STAC: variants seen among roughly 807,000 people sequenced by gnomAD.
The protein encoded by STAC is SH3 and cysteine rich domain.
STAC carries 43 observed loss-of-function variants against 48.8 expected under a neutral mutation model. That is an observed-to-expected ratio of 0.88 (90% CI 0.69 to 1.14). The LOEUF is 1.14. STAC is among the 50% of genes most tolerant of loss of function. The pLI, the probability that STAC is intolerant of heterozygous loss-of-function variation, is 0.00. For missense variants in STAC, 497 were observed against 504.0 expected (o/e 0.99, Z 0.13); for synonymous variants, 193 against 179.5 (o/e 1.07, Z -0.60).
intron 1 of STAC, among the ~76,000 whole-genome samples, chr3:36,395,026 G>GATAT (rs3061956): frequency 4.0e-5 from 6 of 148,246 alleles, no homozygotes; most frequent in Admixed American, 1.3e-4. Context: ...AAGATATATA[G>GATAT]ATATATATAT....
chr3:36,473,205 G>A (rs902956215), intron 2 of STAC, among the ~76,000 whole-genome samples: 11 of 152,200 alleles, frequency 7.2e-5, no homozygotes, highest in Non-Finnish European at 1.3e-4. Flanking sequence ...AGGAAAGACC[G>A]GCTGCATGAT....
At chr3:36,529,123 A>G (rs969046625) in intron 10 of STAC, 138 bp downstream of exon 10, 5 of 917,086 alleles carry the variant, frequency 5.5e-6, no homozygotes, top group Non-Finnish European at 7.6e-6. Flanking sequence ...ACTTACTCCA[A>G]TGATGTCAGT....
chr3:36,427,798 T>C lies in STAC; in HGVS notation c.112-15566T>C, dbSNP rs150221975. ...CAACAAAGAAACAAATAAATGAGGA[T>C]ATAATATAAAGAAATCATATACCTC... is the stretch of plus-strand genomic sequence containing the variant. On this transcript the variant is annotated intron_variant, in intron 1 of 10. Coordinates refer to ENST00000273183, the MANE Select transcript of STAC (RefSeq NM_003149.3). 1.1e-4 allele frequency among the ~76,000 whole-genome samples: 16 copies of C among 152,224 alleles called. No individual in the cohort carries two copies. In the East Asian group the frequency reaches 2.9e-3, roughly 28 times the overall value.
intron 6 of STAC, among the ~76,000 whole-genome samples, chr3:36,498,115 A>G (rs1030927278): frequency 3.9e-5 from 6 of 152,332 alleles, no homozygotes; most frequent in African/African-American, 1.4e-4. Context: ...CTGTACATGT[A>G]AGAATTATCA....
At chr3:36,397,056 A>C (rs1699870527) in intron 1 of STAC, among the ~76,000 whole-genome samples, 2 of 152,210 alleles carry the variant, frequency 1.3e-5, no homozygotes, top group East Asian at 1.9e-4. Flanking sequence ...CACTGAGCCT[A>C]ATGGACTATC....
chr3:36,453,436 G>A (rs1575210227), intron 2 of STAC, among the ~76,000 whole-genome samples: 3 of 152,304 alleles, frequency 2.0e-5, no homozygotes, highest in Admixed American at 1.3e-4. Context: ...CCCCGCCCTC[G>A]GAGAGGCCGG....
At chr3:36,402,856 G>C (rs992963713) in intron 1 of STAC, among the ~76,000 whole-genome samples, 18 of 151,840 alleles carry the variant, frequency 1.2e-4, no homozygotes, top group African/African-American at 4.4e-4. Flanking sequence ...GGATTCAGGG[G>C]AATTATCTAC....
At position 36,458,596 on chromosome 3, in the gene STAC, T is replaced by G. The variant is rs577087369; in HGVS notation, c.388+14956T>G. 2.6e-5 allele frequency among the ~76,000 whole-genome samples: 4 copies of G among 152,290 alleles called. No individual in the cohort carries two copies. The South Asian group carries it at 8.3e-4, about 32-fold the overall frequency. ...CTCTGCGTGAAGGAACAGTGTGATA[T>G]CTACCAAATCACTTTGCTTCTCTGA... On this transcript the variant is annotated intron_variant, in intron 2 of 10. Transcript: ENST00000273183.
At chr3:36,383,104 C>G (rs1699547492) in intron 1 of STAC, among the ~76,000 whole-genome samples, 1 of 152,150 alleles carries the variant, frequency 6.6e-6, no homozygotes, top group African/African-American at 2.4e-5. Flanking sequence ...TAAATTAGCT[C>G]TTGGTTTACC....
At chr3:36,544,681 C>A (rs145400921) in intron 10 of STAC, among the ~76,000 whole-genome samples, 1 of 152,070 alleles carries the variant, frequency 6.6e-6, no homozygotes, top group Non-Finnish European at 1.5e-5. Context: ...AGAACGTGCA[C>A]GTTTGTTAAC....
intron 2 of STAC, among the ~76,000 whole-genome samples, chr3:36,446,217 T>G (rs371635817): frequency 6.6e-6 from 1 of 152,236 alleles, no homozygotes; most frequent in Non-Finnish European, 1.5e-5. Flanking sequence ...CTACCCTTTA[T>G]GATCATCTCT....
intron 1 of STAC, among the ~76,000 whole-genome samples, chr3:36,428,756 G>A (rs1439329991): frequency 6.6e-6 from 1 of 152,186 alleles, no homozygotes; most frequent in African/African-American, 2.4e-5. Context: ...AGGGACTGGT[G>A]CAGAGTGAGT....
chr3:36,398,312 A>AAAGAAAGC (rs1165549941), intron 1 of STAC, among the ~76,000 whole-genome samples: 1,287 of 105,926 alleles, frequency 0.012, 19 homozygotes, highest in Non-Finnish European at 0.018. Context: ...AGAAAGAAAG[A>AAAGAAAGC]AAGAAAGCAA....
At chr3:36,537,501 C>T (rs1304169528) in intron 10 of STAC, among the ~76,000 whole-genome samples, 2 of 152,066 alleles carry the variant, frequency 1.3e-5, no homozygotes, top group African/African-American at 4.8e-5. Context: ...AATGAGAACA[C>T]ATGGACACAG....
intron 8 of STAC, among the ~76,000 whole-genome samples, chr3:36,520,827 G>A (rs931396278): frequency 2.6e-5 from 4 of 152,138 alleles, no homozygotes; most frequent in Non-Finnish European, 4.4e-5. Context: ...TCTGGAGAGC[G>A]TGATCCATGA....
chr3:36,461,007 C>T (rs1000081813), intron 2 of STAC, among the ~76,000 whole-genome samples: 4 of 151,826 alleles, frequency 2.6e-5, no homozygotes, highest in Non-Finnish European at 5.9e-5. Context: ...TATGAGTAAG[C>T]AAAAACAAGA....
intron 1 of STAC, among the ~76,000 whole-genome samples, chr3:36,410,273 C>T (rs1575180966): frequency 1.3e-5 from 2 of 152,046 alleles, no homozygotes; most frequent in Admixed American, 6.6e-5. Flanking sequence ...TATCAGTGCA[C>T]GAGTGTTAAG....
chr3:36,392,779 C>G (rs866935458), intron 1 of STAC, among the ~76,000 whole-genome samples: 2 of 152,172 alleles, frequency 1.3e-5, no homozygotes, highest in African/African-American at 4.8e-5. Context: ...AAACTCACAG[C>G]TTTAAAATCC....
chr3:36,477,194 T>C (rs926553364), intron 2 of STAC, among the ~76,000 whole-genome samples: 19 of 152,332 alleles, frequency 1.2e-4, no homozygotes, highest in Middle Eastern at 3.4e-3. Context: ...TTGTGTAATC[T>C]GGAAGCAGAC....
Sources: allele counts gnomAD v4.1 joint callset (sites outside exome capture counted in the v4.1 genomes callset), GRCh38; gene constraint gnomAD v4.1.1; transcripts MANE v1.5; gene names NCBI Gene and HGNC (gene_info 2026-07-23, HGNC 2026-07-21).